Variants in ATE1 observed in about 807,000 individuals in gnomAD.
ATE1 encodes the protein arginyl-tRNA--protein transferase 1.
ATE1 carries 36 observed loss-of-function variants against 70.5 expected under a neutral mutation model. The observed-to-expected ratio is 0.51, with a 90% CI of 0.39 to 0.67. ATE1 has a LOEUF of 0.67. Ranked by LOEUF, ATE1 falls within the 30% of genes least tolerant of loss-of-function variation. ATE1 has a pLI of 0.00. For synonymous variants in ATE1, 232 were observed against 219.3 expected (o/e 1.06, Z -0.51); for missense variants, 593 against 629.5 (o/e 0.94, Z 0.62).
At chr10:121,917,998 G>A (rs1951727001) in intron 3 of ATE1, among the ~76,000 whole-genome samples, 1 of 152,046 alleles carries the variant, frequency 6.6e-6, no homozygotes, top group African/African-American at 2.4e-5. Flanking sequence ...TATATACAAG[G>A]TAAAAATAAC....
At chr10:121,905,088 G>A (rs1159256292) in intron 5 of ATE1, among the ~76,000 whole-genome samples, 2 of 152,246 alleles carry the variant, frequency 1.3e-5, no homozygotes, top group East Asian at 1.9e-4. Flanking sequence ...GGTCATGGAC[G>A]AGGCTCTGTC....
intron 1 of ATE1, among the ~76,000 whole-genome samples, chr10:121,926,453 G>C (rs918396886): frequency 5.9e-5 from 9 of 151,964 alleles, no homozygotes; most frequent in African/African-American, 1.9e-4. Context: ...CCATAATAAA[G>C]AGTATTAAAA....
intron 10 of ATE1, among the ~76,000 whole-genome samples, chr10:121,805,400 C>G (rs778133686): frequency 2.0e-5 from 3 of 152,170 alleles, no homozygotes; most frequent in Non-Finnish European, 2.9e-5. Context: ...AAGCTGAGCA[C>G]TATCCTAACT....
At chr10:121,928,089 G>C, upstream of ATE1, 2 of 1,211,464 alleles carry the variant, frequency 1.7e-6, no homozygotes, top group South Asian at 8.0e-5. Context: ...GGCCCGGCCG[G>C]CCCGGCGCCT....
At chr10:121,824,157 T>A (rs1450053843) in intron 10 of ATE1, among the ~76,000 whole-genome samples, 1 of 152,198 alleles carries the variant, frequency 6.6e-6, no homozygotes, top group Non-Finnish European at 1.5e-5. Context: ...AATTCTCCTG[T>A]GGTAATTTTT....
At chr10:121,923,014 A>G (rs1182731813) in intron 2 of ATE1, among the ~76,000 whole-genome samples, 1 of 152,136 alleles carries the variant, frequency 6.6e-6, no homozygotes, top group Non-Finnish European at 1.5e-5. Context: ...CACTAAGGTG[A>G]CAGTCCTCAT....
At chr10:121,857,559 G>A (rs962489847) in intron 8 of ATE1, among the ~76,000 whole-genome samples, 2 of 152,088 alleles carry the variant, frequency 1.3e-5, no homozygotes, top group Admixed American at 1.3e-4. Flanking sequence ...ATTTCTCAAA[G>A]AACTAAAAAT....
chr10:121,769,289 G>T (rs751058563), intron 11 of ATE1, among the ~76,000 whole-genome samples: 2 of 152,206 alleles, frequency 1.3e-5, no homozygotes, highest in Non-Finnish European at 2.9e-5. Flanking sequence ...AGTAATTCAT[G>T]AAGGAAGAGG....
chr10:121,844,571 T>A (rs1948746661), intron 8 of ATE1, among the ~76,000 whole-genome samples: 5 of 152,168 alleles, frequency 3.3e-5, no homozygotes, highest in Admixed American at 3.3e-4. Context: ...GCAATCACAT[T>A]CCTAGGGATT....
intron 7 of ATE1, among the ~76,000 whole-genome samples, chr10:121,894,068 C>T (rs995725775): frequency 6.2e-5 from 9 of 144,932 alleles, no homozygotes; most frequent in Non-Finnish European, 1.3e-4. Flanking sequence ...ACCCGGGAGG[C>T]GGAGGTTGCA....
In ATE1 at chr10:121,742,977, T is replaced by C. The variant is rs1464306774; in HGVS notation, c.*703A>G. 2.6e-5 allele frequency: 4 copies of C among 152,202 alleles called. 2 individuals are homozygous for C. The highest frequency in any genetic ancestry group is 2.6e-4 in the Admixed American group (4 of 15,280). 9.4% of individuals were successfully genotyped at this position (152,202 alleles called of 1,614,324 possible). On this transcript the variant is annotated 3_prime_UTR_variant, in exon 12 of 12. Coordinates refer to ENST00000224652, the MANE Select transcript of ATE1 (RefSeq NM_001001976.3). ...AAATAATATAACTAGAGTAATTATG[T>C]ATTTTATTGTCCAAACTGGGATATT... is the stretch of plus-strand genomic sequence containing the variant.
rs1275364518 is a variant in ATE1 at position 121,927,357 on chromosome 10, C to T, written c.106+487G>A. ...TTTTTTTAACTTTTTTTTTTTTTAA[C>T]CCAGAGATGCAAAGGGCTCATCCTT... is the stretch of plus-strand genomic sequence containing the variant. On this transcript the variant is annotated intron_variant, in intron 1 of 11. Coordinates refer to ENST00000224652, the MANE Select transcript of ATE1 (RefSeq NM_001001976.3). 11 of 983,620 alleles carry T rather than the reference C, an allele frequency of 1.1e-5. No homozygotes were observed. The East Asian group carries it at 6.9e-4, about 62-fold the overall frequency. The allele number at this position is 983,620 out of a possible 1,614,324, so 60.9% of individuals were successfully genotyped here.
chr10:121,874,195 C>T (rs1949954934), intron 7 of ATE1, among the ~76,000 whole-genome samples: 1 of 152,136 alleles, frequency 6.6e-6, no homozygotes, highest in Non-Finnish European at 1.5e-5. Context: ...AATTTGGAAG[C>T]CTTAAGTCAG....
chr10:121,921,816 C>A (rs761125775), intron 3 of ATE1, among the ~76,000 whole-genome samples: 1 of 152,150 alleles, frequency 6.6e-6, no homozygotes, highest in Non-Finnish European at 1.5e-5. Flanking sequence ...TTGTTCCGGG[C>A]CCAGTCTTTT....
At chr10:121,844,129 A>T (rs1276906634) in intron 8 of ATE1, among the ~76,000 whole-genome samples, 1 of 152,252 alleles carries the variant, frequency 6.6e-6, no homozygotes, top group Non-Finnish European at 1.5e-5. Flanking sequence ...ATTGGGTGTC[A>T]TGGCTTATGC....
At chr10:121,772,367 T>G (rs1945554457) in intron 11 of ATE1, among the ~76,000 whole-genome samples, 1 of 152,262 alleles carries the variant, frequency 6.6e-6, no homozygotes. Context: ...GAATGTGTTA[T>G]AAATGTTGAA....
chr10:121,847,476 A>G (rs1448597562), intron 8 of ATE1, among the ~76,000 whole-genome samples: 3 of 149,866 alleles, frequency 2.0e-5, no homozygotes, highest in African/African-American at 2.5e-5. Flanking sequence ...AATAATAGTG[A>G]AAGGCCAGGC....
chr10:121,905,578 A>T (rs1590688879), intron 5 of ATE1, among the ~76,000 whole-genome samples: 1 of 152,170 alleles, frequency 6.6e-6, no homozygotes, highest in Non-Finnish European at 1.5e-5. Flanking sequence ...TCAGTGGCTC[A>T]CGCCTGTAAT....
rs531943942 is a variant in ATE1, at chr10:121,881,402, G to A, written c.943-11364C>T. Among the ~76,000 whole-genome samples, 5 of 152,194 alleles carry A rather than the reference G, an allele frequency of 3.3e-5. No homozygotes were observed. The South Asian group carries it at 8.3e-4, about 25-fold the overall frequency. Reference sequence around the variant, plus strand: ...TTATCAAAACGAGAGATCTGCTCCTGTATGAACAAGAAGCTCTACCACCAG... The same window carrying A: ...TTATCAAAACGAGAGATCTGCTCCTATATGAACAAGAAGCTCTACCACCAG... On this transcript the variant is annotated intron_variant, in intron 7 of 11. Coordinates refer to ENST00000224652, the MANE Select transcript of ATE1 (RefSeq NM_001001976.3).
Sources: gnomAD v4.1 joint callset for allele counts (sites outside exome capture counted in the v4.1 genomes callset) on GRCh38, gnomAD v4.1.1 for gene constraint, MANE v1.5 for transcripts, NCBI Gene and HGNC (gene_info 2026-07-23, HGNC 2026-07-21) for gene names.